MXRA7: variants seen among roughly 807,000 people sequenced by gnomAD.
MXRA7 encodes matrix remodeling associated 7, also known as matrix-remodeling-associated protein 7.
Under a neutral mutation model 17.4 loss-of-function variants are expected in MXRA7, and 18 were observed. That is an observed-to-expected ratio of 1.03 (90% confidence interval 0.71 to 1.53). The LOEUF (loss-of-function observed/expected upper bound fraction) is 1.53, where lower values mean the gene tolerates loss of function less well. Among genes scored for constraint, MXRA7 ranks in the 40% most tolerant of loss-of-function variants. MXRA7 has a pLI of 0.00. For synonymous variants in MXRA7, 70 were observed against 101.7 expected, an observed-to-expected ratio of 0.69 and a Z score of 1.87; for missense variants, 141 against 209.3, an observed-to-expected ratio of 0.67 and a Z score of 2.01.
intron 1 of MXRA7, among the ~76,000 whole-genome samples, chr17:76,694,304 G>A (rs149367430): frequency 1.5e-4 from 23 of 152,204 alleles, no homozygotes; most frequent in African/African-American, 5.3e-4. Flanking sequence ...CTGGACCACG[G>A]TGTCCGCCAT....
At chr17:76,706,063 C>A (rs1219670531) in intron 1 of MXRA7, among the ~76,000 whole-genome samples, 1 of 151,746 alleles carries the variant, frequency 6.6e-6, no homozygotes, top group African/African-American at 2.4e-5. Context: ...GACCACACTG[C>A]CATCACAGAG....
At chr17:76,697,670 G>A (rs1390133676) in intron 1 of MXRA7, among the ~76,000 whole-genome samples, 2 of 152,192 alleles carry the variant, frequency 1.3e-5, no homozygotes, top group South Asian at 2.1e-4. Flanking sequence ...GGAGGCGGGA[G>A]GGGGAAGGCA....
chr17:76,677,587 T>C (rs2076250656), downstream of MXRA7: 1 of 1,606,792 alleles, frequency 6.2e-7, no homozygotes, highest in East Asian at 2.2e-5. Flanking sequence ...GTGGGCGCAG[T>C]CTACATGTCG....
downstream of MXRA7, chr17:76,677,555 A>G (rs757594888): frequency 6.9e-6 from 10 of 1,458,844 alleles, no homozygotes; most frequent in Non-Finnish European, 8.6e-6. Flanking sequence ...GGACAGCATC[A>G]GGCATGGCCG....
chr17:76,699,940 A>G (rs955796918), intron 1 of MXRA7, among the ~76,000 whole-genome samples: 1 of 152,154 alleles, frequency 6.6e-6, no homozygotes, highest in Non-Finnish European at 1.5e-5. Context: ...GAAGGGATCC[A>G]GTGTTTTATT....
chr17:76,702,854 A>AT (rs1164562262), intron 1 of MXRA7, among the ~76,000 whole-genome samples: 2 of 55,308 alleles, frequency 3.6e-5, no homozygotes, highest in Non-Finnish European at 8.3e-5. Context: ...TACCTCTTAA[A>AT]ATAAATATAT....
chr17:76,673,512 C>G (rs969968868), exon 4 of MXRA7: 3 of 152,220 alleles, frequency 2.0e-5, no homozygotes, highest in South Asian at 2.1e-4. Flanking sequence ...TCTGCCTGGA[C>G]CTAGCCAGGC....
chr17:76,687,999 T>TCCCCC, intron 2 of MXRA7, 114 bp downstream of exon 2: 1 of 801,730 alleles, frequency 1.2e-6, no homozygotes, highest in Non-Finnish European at 2.0e-6. Context: ...CAGGCCACTG[T>TCCCCC]CCCACCCCAT....
At chr17:76,687,128 G>A (rs939974951) in intron 2 of MXRA7, among the ~76,000 whole-genome samples, 2 of 152,194 alleles carry the variant, frequency 1.3e-5, no homozygotes, top group Non-Finnish European at 2.9e-5. Flanking sequence ...CCATGGCTGC[G>A]GTGAGTCCCC....
exon 4 of MXRA7, chr17:76,673,585 A>G (rs1045043830): frequency 6.6e-6 from 1 of 152,256 alleles, no homozygotes; most frequent in Non-Finnish European, 1.5e-5. Context: ...CAGTAGATCA[A>G]CTTGGGCTTT....
chr17:76,696,121 A>G lies in MXRA7; in HGVS notation c.343-7945T>C, dbSNP rs187374722. ...AAAAGAAAAAAAGAAAGAAAGAAAC[A>G]GTGTGCAGAAATGCAGGGTCTGCAA... On this transcript the variant is annotated intron_variant, in intron 1 of 3. Coordinates refer to ENST00000449428, the MANE Select transcript of MXRA7 (RefSeq NM_198530.4). Among the ~76,000 whole-genome samples, 1,144 of 152,270 alleles carry G rather than the reference A, an allele frequency of 7.5e-3. 12 individuals are homozygous for G. Among genetic ancestry groups the G allele is most frequent in the African/African-American group, 0.026 (1,084 of 41,552 alleles).
At chr17:76,684,291 C>T (rs918162109) in intron 3 of MXRA7, among the ~76,000 whole-genome samples, 1 of 152,162 alleles carries the variant, frequency 6.6e-6, no homozygotes, top group African/African-American at 2.4e-5. Context: ...ACAAGCTGCT[C>T]TGGGTCGCCA....
At chr17:76,698,724 T>G (rs1043145710) in intron 1 of MXRA7, among the ~76,000 whole-genome samples, 2 of 142,364 alleles carry the variant, frequency 1.4e-5, no homozygotes, top group Admixed American at 7.1e-5. Context: ...TTTTTTTTTT[T>G]TTTTTTTTTT....
chr17:76,679,281 C>G (rs1256950236), downstream of MXRA7, among the ~76,000 whole-genome samples: 4 of 97,610 alleles, frequency 4.1e-5, no homozygotes, highest in African/African-American at 1.5e-4. Context: ...GAGGGAGGCC[C>G]TGTCTCAAAA....
rs1330909072 is a variant in MXRA7 at position 76,710,737 on chromosome 17, C to G, written c.210G>C (p.Gly70=). The change falls in exon 1 of 4, where the codon GGG becomes GGC. Residue 70 remains glycine (G), a synonymous_variant. Coordinates refer to ENST00000449428, the MANE Select transcript of MXRA7 (RefSeq NM_198530.4). ...CCGCGGGCTCTCCAGGCTCCTCCGG[C>G]CCCGCGGGCGAGGCCGCCGGCTCGG... ...CAPEPAASPA[G]PEEPGEPAGL... 4.4e-6 allele frequency: 5 copies of G among 1,126,666 alleles called. No homozygotes were observed. The highest frequency in any genetic ancestry group is 5.5e-6 in the Non-Finnish European group (5 of 911,868). The allele number at this position is 1,126,666 out of a possible 1,614,324, so 69.8% of individuals were successfully genotyped here.
At chr17:76,677,557 G>A (rs778830164), downstream of MXRA7, 12 of 1,473,196 alleles carry the variant, frequency 8.1e-6, no homozygotes, top group South Asian at 1.2e-4. Flanking sequence ...ACAGCATCAG[G>A]CATGGCCGCT....
At chr17:76,676,783 C>T (rs958109062), downstream of MXRA7, 2 of 152,288 alleles carry the variant, frequency 1.3e-5, no homozygotes, top group Admixed American at 6.5e-5. Context: ...TGTAGTGGTA[C>T]ACACCTGTAG....
chr17:76,693,483 A>G, intron 1 of MXRA7, among the ~76,000 whole-genome samples: 1 of 151,262 alleles, frequency 6.6e-6, no homozygotes, highest in African/African-American at 2.4e-5. Context: ...CTCAAAAAAA[A>G]AAAAAAAAAA....
At chr17:76,703,956 G>A (rs534714359) in intron 1 of MXRA7, among the ~76,000 whole-genome samples, 51 of 151,202 alleles carry the variant, frequency 3.4e-4, no homozygotes, top group African/African-American at 1.1e-3. Context: ...CATCATAGCC[G>A]GGCGTGGTGG....
Sources: gnomAD v4.1 joint callset for allele counts (sites outside exome capture counted in the v4.1 genomes callset) on GRCh38, gnomAD v4.1.1 for gene constraint, MANE v1.5 for transcripts, NCBI Gene and HGNC (gene_info 2026-07-23, HGNC 2026-07-21) for gene names.